PRKAR2B: variants seen among roughly 807,000 people sequenced by gnomAD.
PRKAR2B encodes the protein cAMP-dependent protein kinase type II-beta regulatory subunit.
PRKAR2B carries 14 observed loss-of-function variants against 49.9 expected under a neutral mutation model. The ratio of observed to expected loss-of-function variants is 0.28; its 90% CI spans 0.19 to 0.44. The LOEUF (loss-of-function observed/expected upper bound fraction) is 0.44, where lower values mean the gene tolerates loss of function less well. Ranked by LOEUF, PRKAR2B falls within the 20% of genes least tolerant of loss-of-function variation. The pLI is 1.00. For missense variants in PRKAR2B, 393 were observed against 537.9 expected, an observed-to-expected ratio of 0.73 and a Z score of 2.67; for synonymous variants, 196 against 197.7, an observed-to-expected ratio of 0.99 and a Z score of 0.07.
intron 5 of PRKAR2B, among the ~76,000 whole-genome samples, chr7:107,144,092 A>C (rs1490621370): frequency 3.9e-5 from 4 of 102,568 alleles, no homozygotes; most frequent in Non-Finnish European, 8.7e-5. Context: ...TTATTTATTT[A>C]TTTATTTTTG....
rs562928934 is a variant in PRKAR2B at position 107,142,204 on chromosome 7, G to A, written c.587+1251G>A. On this transcript the variant is annotated intron_variant, in intron 5 of 10. Transcript: ENST00000265717. ...CTTTGGTCTCCTGAAGCCTCATTTCGTTATTTTGGCTCTGTGGGTGGTATC... is the reference window on the plus strand; with the variant it reads ...CTTTGGTCTCCTGAAGCCTCATTTCATTATTTTGGCTCTGTGGGTGGTATC... Among the ~76,000 whole-genome samples, 14 of 152,198 alleles carry A rather than the reference G, an allele frequency of 9.2e-5. No homozygotes were observed. The South Asian group carries it at 1.0e-3, about 11-fold the overall frequency.
intron 7 of PRKAR2B, among the ~76,000 whole-genome samples, chr7:107,151,678 A>G (rs1435474120): frequency 1.3e-5 from 2 of 152,218 alleles, no homozygotes; most frequent in Non-Finnish European, 1.5e-5. Flanking sequence ...ACATCAGCCT[A>G]CAGCTGGGAA....
At chr7:107,129,332 G>A (rs1795555994) in intron 4 of PRKAR2B, among the ~76,000 whole-genome samples, 1 of 152,138 alleles carries the variant, frequency 6.6e-6, no homozygotes, top group African/African-American at 2.4e-5. Context: ...GAGTTTGTAT[G>A]TCCATCTCTG....
chr7:107,071,792 G>C (rs932002007), intron 2 of PRKAR2B, among the ~76,000 whole-genome samples: 11 of 152,276 alleles, frequency 7.2e-5, no homozygotes, highest in African/African-American at 2.6e-4. Context: ...TTGGCTGGGC[G>C]AGGTGGCTCA....
At chr7:107,121,921 A>G (rs1484757861) in intron 2 of PRKAR2B, 31 bp from the exon 3 acceptor site, 2 of 1,439,390 alleles carry the variant, frequency 1.4e-6, no homozygotes, top group African/African-American at 1.4e-5. Context: ...TGATGAAACA[A>G]TCTTTAAGAT....
intron 4 of PRKAR2B, among the ~76,000 whole-genome samples, chr7:107,130,221 C>T (rs931417463): frequency 2.0e-5 from 3 of 152,062 alleles, no homozygotes; most frequent in African/African-American, 7.2e-5. Flanking sequence ...TATGCCGGGC[C>T]GGGCGTGGTG....
At chr7:107,112,370 A>G (rs192958468) in intron 2 of PRKAR2B, among the ~76,000 whole-genome samples, 11 of 152,132 alleles carry the variant, frequency 7.2e-5, no homozygotes, top group South Asian at 2.1e-4. Context: ...AGGTTCATTT[A>G]AATTTATCAT....
chr7:107,160,507 GTTTA>G lies in PRKAR2B; in HGVS notation c.*929_*932del, dbSNP rs1212924710. 6.6e-6 allele frequency: 1 copy of G among 152,048 alleles called. No individual in the cohort carries two copies. Among genetic ancestry groups the G allele is most frequent in the African/African-American group, 2.4e-5 (1 of 41,414 alleles). The allele number at this position is 152,048 out of a possible 1,614,324, so 9.4% of individuals were successfully genotyped here. Reference sequence around the variant, plus strand: ...TGGGATCCTTATCAGCATGCCCACAGTTTATTTCTTTGTTCTTCACTAGGCCTGC... The same window carrying G: ...TGGGATCCTTATCAGCATGCCCACAGTTTCTTTGTTCTTCACTAGGCCTGC... On this transcript the variant is annotated 3_prime_UTR_variant, in exon 11 of 11. Transcript: ENST00000265717.
At chr7:107,071,749 T>G (rs1415622023) in intron 2 of PRKAR2B, among the ~76,000 whole-genome samples, 4 of 152,196 alleles carry the variant, frequency 2.6e-5, no homozygotes, top group African/African-American at 9.7e-5. Context: ...CTGGGCACGT[T>G]CCATTAGTAT....
intron 4 of PRKAR2B, among the ~76,000 whole-genome samples, chr7:107,133,376 A>G (rs560278560): frequency 6.6e-6 from 1 of 152,298 alleles, no homozygotes; most frequent in East Asian, 1.9e-4. Context: ...TCCCCATTTG[A>G]CATTTAGAGT....
intron 2 of PRKAR2B, among the ~76,000 whole-genome samples, chr7:107,100,827 T>TC (rs1270152679): frequency 1.3e-5 from 2 of 152,062 alleles, no homozygotes; most frequent in Non-Finnish European, 2.9e-5. Flanking sequence ...AACTTGCTTT[T>TC]TTTTTTTTTA....
At chr7:107,118,282 G>A (rs897857595) in intron 2 of PRKAR2B, among the ~76,000 whole-genome samples, 1 of 152,060 alleles carries the variant, frequency 6.6e-6, no homozygotes, top group South Asian at 2.1e-4. Flanking sequence ...TGGACAAATT[G>A]TGTAGGACAT....
rs1794561297 is a variant in PRKAR2B at position 107,083,768 on chromosome 7, A to G, written c.343+13452A>G. ...GCTGGGATTACAGGCGCCCACAACC[A>G]TGCCTGGCTAATTTTTGTATATTTA... On this transcript the variant is annotated intron_variant, in intron 2 of 10. Coordinates refer to ENST00000265717, the MANE Select transcript of PRKAR2B (RefSeq NM_002736.3). 3.3e-5 allele frequency among the ~76,000 whole-genome samples: 5 copies of G among 152,170 alleles called. No individual in the cohort carries two copies. The South Asian group carries it at 1.0e-3, about 32-fold the overall frequency.
intron 2 of PRKAR2B, among the ~76,000 whole-genome samples, chr7:107,120,191 A>G (rs746007521): frequency 6.6e-6 from 1 of 152,076 alleles, no homozygotes; most frequent in Non-Finnish European, 1.5e-5. Context: ...GGGCCAGGTA[A>G]TTCTTTCTGT....
At chr7:107,070,719 T>A (rs1428126950) in intron 2 of PRKAR2B, among the ~76,000 whole-genome samples, 1 of 152,170 alleles carries the variant, frequency 6.6e-6, no homozygotes, top group Admixed American at 6.5e-5. Context: ...ACAGTGATAA[T>A]TGAGTGAGTG....
chr7:107,128,379 C>A, intron 4 of PRKAR2B, 84 bp downstream of exon 4: 2 of 1,040,942 alleles, frequency 1.9e-6, no homozygotes, highest in Non-Finnish European at 1.4e-6. Flanking sequence ...TTGAGTTTTG[C>A]CCTCTTTGTA....
intron 2 of PRKAR2B, among the ~76,000 whole-genome samples, chr7:107,106,240 C>T (rs1408848221): frequency 3.3e-5 from 5 of 152,176 alleles, no homozygotes; most frequent in East Asian, 3.9e-4. Context: ...CAAGTTGCCA[C>T]GTGATTTCTG....
intron 1 of PRKAR2B, chr7:107,069,937 A>G (rs1290780271): frequency 6.0e-6 from 1 of 166,546 alleles, no homozygotes; most frequent in African/African-American, 2.4e-5. Context: ...CTATTAAGTG[A>G]CACAAGTCTT....
intron 2 of PRKAR2B, among the ~76,000 whole-genome samples, chr7:107,097,552 T>G (rs1259561157): frequency 1.3e-5 from 2 of 152,220 alleles, no homozygotes; most frequent in East Asian, 3.8e-4. Flanking sequence ...CCTGTCATTA[T>G]GATGTTAGCT....
Sources: allele counts gnomAD v4.1 joint callset (sites outside exome capture counted in the v4.1 genomes callset), GRCh38; gene constraint gnomAD v4.1.1; transcripts MANE v1.5; gene names NCBI Gene and HGNC (gene_info 2026-07-23, HGNC 2026-07-21).